Variants in TLCD4 observed in about 807,000 individuals in gnomAD.
TLCD4 encodes TLC domain containing 4.
TLCD4 carries 7 observed loss-of-function variants against 24.2 expected under a neutral mutation model. The observed-to-expected ratio is 0.29, with a 90% confidence interval of 0.16 to 0.54. The LOEUF is 0.54. TLCD4 is among the 20% of genes least tolerant of loss of function. The probability of loss-of-function intolerance (pLI) is 0.95; values close to 1 mark genes in which losing one functional copy is unlikely to be tolerated. For synonymous variants in TLCD4, 103 were observed against 106.4 expected, an observed-to-expected ratio of 0.97 and a Z score of 0.20; for missense variants, 259 against 313.9, an observed-to-expected ratio of 0.82 and a Z score of 1.32.
chr1:95,117,736 G>C (rs1164252704), intron 1 of TLCD4, 119 bp downstream of exon 1: 1 of 151,274 alleles, frequency 6.6e-6, no homozygotes, highest in Admixed American at 6.6e-5. Flanking sequence ...CCCGCCCCTG[G>C]CCTAGCGCGG....
intron 5 of TLCD4, among the ~76,000 whole-genome samples, chr1:95,170,409 A>G (rs934585184): frequency 6.7e-6 from 1 of 148,196 alleles, no homozygotes. Flanking sequence ...GGCTCACTGC[A>G]AGCTCCGCCT....
At chr1:95,184,751 T>C (rs1008366399) in intron 6 of TLCD4, among the ~76,000 whole-genome samples, 1 of 152,186 alleles carries the variant, frequency 6.6e-6, no homozygotes, top group Non-Finnish European at 1.5e-5. Context: ...TCAGATTCAG[T>C]ACATACCTTC....
upstream of TLCD4, among the ~76,000 whole-genome samples, chr1:95,114,561 C>T (rs1035797557): frequency 1.3e-5 from 2 of 152,070 alleles, no homozygotes; most frequent in African/African-American, 4.8e-5. Context: ...TTTGGCTGGA[C>T]ATGGTAGCCT....
At chr1:95,098,610 A>G in the TLCD4 span, among the ~76,000 whole-genome samples, 1 of 152,054 alleles carries the variant, frequency 6.6e-6, no homozygotes, top group African/African-American at 2.4e-5. Context: ...CTTTTTTGAG[A>G]TCTCCTAATC....
chr1:95,140,711 C>G (rs1386562089), intron 1 of TLCD4: 1 of 152,216 alleles, frequency 6.6e-6, no homozygotes, highest in African/African-American at 2.4e-5. Flanking sequence ...CAGCTTTCTG[C>G]CAGCTACTAG....
intron 2 of TLCD4, among the ~76,000 whole-genome samples, chr1:95,146,547 A>G (rs1462471339): frequency 6.6e-6 from 1 of 151,882 alleles, no homozygotes; most frequent in Admixed American, 6.6e-5. Flanking sequence ...ACCCTCTTTG[A>G]AAAAAAATTG....
upstream of TLCD4, among the ~76,000 whole-genome samples, chr1:95,113,721 T>C (rs1443315337): frequency 6.6e-6 from 1 of 152,064 alleles, no homozygotes; most frequent in East Asian, 1.9e-4. Flanking sequence ...ATATATCACA[T>C]ATAATAAAAT....
intron 1 of TLCD4, chr1:95,140,589 T>A (rs1348325298): frequency 6.6e-6 from 1 of 152,228 alleles, no homozygotes; most frequent in East Asian, 1.9e-4. Flanking sequence ...TTCCTGTGAA[T>A]CAAGATGGAC....
At chr1:95,129,965 AT>A (rs771275120) in intron 1 of TLCD4, among the ~76,000 whole-genome samples, 87 of 152,232 alleles carry the variant, frequency 5.7e-4, no homozygotes, top group Non-Finnish European at 1.1e-3. Flanking sequence ...GAGGTGGAAC[AT>A]TTTCTTCATA....
the TLCD4 span, among the ~76,000 whole-genome samples, chr1:95,098,575 C>T: frequency 6.6e-6 from 1 of 152,178 alleles, no homozygotes; most frequent in African/African-American, 2.4e-5. Flanking sequence ...GCTTCAAAAC[C>T]AGAGACCCAA....
intron 1 of TLCD4, among the ~76,000 whole-genome samples, chr1:95,139,094 G>T (rs1409798690): frequency 6.9e-6 from 1 of 144,988 alleles, no homozygotes; most frequent in East Asian, 2.1e-4. Context: ...AGGATCACTT[G>T]AGCCTAGAAG....
intron 6 of TLCD4, among the ~76,000 whole-genome samples, chr1:95,178,904 C>T (rs967572452): frequency 6.6e-6 from 1 of 152,124 alleles, no homozygotes; most frequent in Non-Finnish European, 1.5e-5. Flanking sequence ...AGTGCATGGC[C>T]CAGCTGTCCA....
At chr1:95,122,647 C>G (rs934604416) in intron 1 of TLCD4, among the ~76,000 whole-genome samples, 2 of 152,332 alleles carry the variant, frequency 1.3e-5, no homozygotes, top group Admixed American at 6.5e-5. Flanking sequence ...GTCCACCTGA[C>G]TCCATGGAGC....
intron 5 of TLCD4, among the ~76,000 whole-genome samples, chr1:95,167,188 G>A (rs1197229437): frequency 1.3e-5 from 2 of 152,038 alleles, no homozygotes; most frequent in African/African-American, 4.8e-5. Flanking sequence ...AGGAGAAACC[G>A]AAATTTAGAT....
At chr1:95,095,855 G>C in the TLCD4 span, among the ~76,000 whole-genome samples, 1 of 152,166 alleles carries the variant, frequency 6.6e-6, no homozygotes, top group African/African-American at 2.4e-5. Context: ...GTGAGTATTG[G>C]TCAGAAAGGC....
At chr1:95,123,802 G>A (rs1676635803) in intron 1 of TLCD4, among the ~76,000 whole-genome samples, 2 of 152,248 alleles carry the variant, frequency 1.3e-5, no homozygotes, top group South Asian at 4.2e-4. Flanking sequence ...TCTATTGGTG[G>A]ACCTTGAAGT....
chr1:95,098,276 G>T, the TLCD4 span, among the ~76,000 whole-genome samples: 1 of 152,108 alleles, frequency 6.6e-6, no homozygotes, highest in Admixed American at 6.5e-5. Context: ...CCTCATAACT[G>T]GTTGCCCTGC....
chr1:95,141,487 T>C (rs1677196692), intron 1 of TLCD4, among the ~76,000 whole-genome samples: 1 of 152,164 alleles, frequency 6.6e-6, no homozygotes, highest in Non-Finnish European at 1.5e-5. Context: ...AGATTCTCCA[T>C]TCTCTTCTGA....
At chr1:95,185,566 C>T (rs944171609) in intron 6 of TLCD4, among the ~76,000 whole-genome samples, 1 of 152,192 alleles carries the variant, frequency 6.6e-6, no homozygotes, top group African/African-American at 2.4e-5. Flanking sequence ...TTTGCGACAG[C>T]AAGTCCAACT....
Sources: allele counts gnomAD v4.1 joint callset (sites outside exome capture counted in the v4.1 genomes callset), GRCh38; gene constraint gnomAD v4.1.1; transcripts MANE v1.5; gene names NCBI Gene and HGNC (gene_info 2026-07-23, HGNC 2026-07-21).